Variants in ARID1B observed in about 807,000 individuals in gnomAD.
The protein encoded by ARID1B is AT-rich interactive domain-containing protein 1B.
In ARID1B, 30 loss-of-function variants were observed where a neutral mutation model predicts 212.3. The ratio of observed to expected loss-of-function variants is 0.14; its 90% confidence interval spans 0.11 to 0.19. The LOEUF (loss-of-function observed/expected upper bound fraction) is 0.19, where lower values mean the gene tolerates loss of function less well. ARID1B is among the 10% of genes least tolerant of loss of function. The pLI is 1.00. For synonymous variants in ARID1B, 1,402 were observed against 1,301.7 expected (o/e 1.08, Z -1.66); for missense variants, 2,891 against 3,204.0 (o/e 0.90, Z 2.36).
rs781541497 is a variant in ARID1B, at chr6:156,829,433, T to G, written c.1986+12T>G. ...ACCCTCAGCAGCAGGTTTGTGCTGGTCCCCCGACCCGCTGCTTTTTTGTAA... is the reference window on the plus strand; with the variant it reads ...ACCCTCAGCAGCAGGTTTGTGCTGGGCCCCCGACCCGCTGCTTTTTTGTAA... On this transcript the variant is annotated intron_variant, in intron 2 of 19. Transcript: ENST00000636930. 6.2e-7 allele frequency: 1 copy of G among 1,608,498 alleles called. No individual in the cohort carries two copies. The highest frequency in any genetic ancestry group is 1.1e-5 in the South Asian group (1 of 90,652).
At chr6:156,901,861 G>T in intron 3 of ARID1B, 2 of 297,818 alleles carry the variant, frequency 6.7e-6, no homozygotes, top group Non-Finnish European at 1.2e-5. Flanking sequence ...TTCAGGAGAA[G>T]GATTTTATCA....
intron 2 of ARID1B, among the ~76,000 whole-genome samples, chr6:156,836,944 A>G (rs749073465): frequency 3.3e-5 from 5 of 152,210 alleles, no homozygotes; most frequent in South Asian, 2.1e-4. Context: ...GATTACAGGC[A>G]TGAGCCACCA....
At chr6:157,034,808 G>T (rs1235809169) in intron 4 of ARID1B, among the ~76,000 whole-genome samples, 2 of 152,202 alleles carry the variant, frequency 1.3e-5, no homozygotes, top group South Asian at 2.1e-4. Context: ...AAATCTTACA[G>T]AAATAGAGGA....
chr6:157,103,697 A>G (rs1056860863), intron 5 of ARID1B, among the ~76,000 whole-genome samples: 3 of 152,154 alleles, frequency 2.0e-5, no homozygotes, highest in Non-Finnish European at 4.4e-5. Context: ...ATTGGATAAA[A>G]TTCTCCCAAA....
At chr6:156,904,510 C>G (rs1292561429) in intron 3 of ARID1B, among the ~76,000 whole-genome samples, 5 of 152,242 alleles carry the variant, frequency 3.3e-5, no homozygotes, top group African/African-American at 1.2e-4. Context: ...AGCCACAGTG[C>G]TGGGCAAAGG....
intron 3 of ARID1B, among the ~76,000 whole-genome samples, chr6:156,913,521 T>A (rs1790081443): frequency 6.6e-6 from 1 of 152,028 alleles, no homozygotes; most frequent in Admixed American, 6.6e-5. Flanking sequence ...CTGGCAACAT[T>A]TTTCAAGAAT....
At chr6:156,897,579 C>A (rs1375310832) in intron 2 of ARID1B, among the ~76,000 whole-genome samples, 2 of 151,710 alleles carry the variant, frequency 1.3e-5, no homozygotes, top group Non-Finnish European at 1.5e-5. Context: ...CAGCCAGATT[C>A]TTATTTTTAA....
intron 3 of ARID1B, among the ~76,000 whole-genome samples, chr6:156,905,441 G>T (rs1389206296): frequency 6.6e-6 from 1 of 152,150 alleles, no homozygotes; most frequent in East Asian, 1.9e-4. Context: ...TTTGATTATA[G>T]TTAGGACTTC....
intron 3 of ARID1B, among the ~76,000 whole-genome samples, chr6:156,933,640 C>T (rs1273054230): frequency 6.6e-6 from 1 of 152,238 alleles, no homozygotes; most frequent in East Asian, 1.9e-4. Flanking sequence ...CCTGTGCTTA[C>T]TCTCACCTTA....
At position 156,777,772 on chromosome 6, in the gene ARID1B, C is replaced by T. The variant is rs1402782346; in HGVS notation, c.92C>T (p.Pro31Leu). The part of the protein sequence containing the change: ...GSGERRAPPG[P>L]RPAPGARDLE... ...GGCGAACGGCGGGCGCCCCCCGGGC[C>T]GCGGCCGGCGCCCGGAGCCCGGGAC... Residue 31 changes from proline (P) to leucine (L), a missense_variant, in exon 1 of 20, where the codon CCG becomes CTG. Transcript: ENST00000636930. 1 of 814,550 alleles carries T rather than the reference C, an allele frequency of 1.2e-6. No individual in the cohort carries two copies. Among genetic ancestry groups the T allele is most frequent in the Non-Finnish European group, 1.5e-6 (1 of 678,310 alleles). 50.5% of individuals were successfully genotyped at this position (814,550 alleles called of 1,614,324 possible).
At chr6:156,800,680 G>A (rs1780716350) in intron 1 of ARID1B, among the ~76,000 whole-genome samples, 2 of 152,188 alleles carry the variant, frequency 1.3e-5, no homozygotes, top group Admixed American at 1.3e-4. Flanking sequence ...GCTGAGGCGG[G>A]AGCATCACTT....
chr6:157,198,607 C>T (rs1013682031), intron 16 of ARID1B: 2 of 538,252 alleles, frequency 3.7e-6, no homozygotes, highest in East Asian at 5.8e-5. Context: ...AGGAGCTTGG[C>T]ACCATTCCCA....
rs993715084 is a variant in ARID1B at position 156,816,741 on chromosome 6, G to A, written c.1792-12486G>A. Among the ~76,000 whole-genome samples the A allele has an allele frequency of 3.9e-5, 6 of 152,282 alleles. No homozygotes were observed. The East Asian group carries it at 5.8e-4, about 15-fold the overall frequency. On this transcript the variant is annotated intron_variant, in intron 1 of 19. Coordinates refer to ENST00000636930, the MANE Select transcript of ARID1B (RefSeq NM_001374828.1). ...TTGTGTGCTCAGGCATCGGCTTGGT[G>A]GTGCATAAGAGGGCTGTCCAGGTAC...
chr6:157,130,612 CT>C (rs2128577975), intron 6 of ARID1B, among the ~76,000 whole-genome samples: 1 of 152,258 alleles, frequency 6.6e-6, no homozygotes, highest in East Asian at 1.9e-4. Flanking sequence ...AATAGTTCAA[CT>C]TACTTTTATT....
chr6:157,167,123 G>C lies in ARID1B; in HGVS notation c.3173G>C (p.Ser1058Thr), dbSNP rs2128290741. ...PYSQPMNNSS[S>T]LMNTQAPPYS... The stretch of plus-strand genomic sequence containing the variant: ...AGCCAGCCCATGAACAACAGCTCTA[G>C]CCTGATGAACACGCAGGCGCCGCCC... The change falls in exon 9 of 20, where the codon AGC becomes ACC. Residue 1058 changes from serine to threonine, a missense_variant. This residue lies in a region of ARID1B where 1,643 missense variants were observed against 1,544.0 expected (regional missense o/e 1.06). Transcript: ENST00000636930. 6.2e-7 allele frequency: 1 copy of C among 1,612,246 alleles called. No homozygotes were observed. Among genetic ancestry groups the C allele is most frequent in the Non-Finnish European group, 8.5e-7 (1 of 1,180,022 alleles).
intron 4 of ARID1B, among the ~76,000 whole-genome samples, chr6:157,060,656 T>TTA (rs398003170): frequency 2.9e-5 from 4 of 136,710 alleles, no homozygotes; most frequent in East Asian, 4.2e-4. Flanking sequence ...TTTTTTTTTT[T>TTA]ACTATTCTTT....
chr6:157,152,540 AAAG>A (rs1362180656), intron 8 of ARID1B: 2 of 152,262 alleles, frequency 1.3e-5, no homozygotes, highest in Non-Finnish European at 2.9e-5. Context: ...CTAAAAAAAG[AAAG>A]AAGTTAAGTT....
chr6:157,068,322 A>G (rs148044659), intron 4 of ARID1B, among the ~76,000 whole-genome samples: 27 of 152,360 alleles, frequency 1.8e-4, no homozygotes, highest in Middle Eastern at 3.4e-3. Flanking sequence ...CACATTATGA[A>G]GACATTCTCT....
chr6:156,853,941 C>T (rs1184709679), intron 2 of ARID1B, among the ~76,000 whole-genome samples: 1 of 152,050 alleles, frequency 6.6e-6, no homozygotes, highest in African/African-American at 2.4e-5. Flanking sequence ...CTATGTTGCC[C>T]AGTCTGGTCT....
Sources: allele counts gnomAD v4.1 joint callset (sites outside exome capture counted in the v4.1 genomes callset), GRCh38; gene constraint gnomAD v4.1.1; regional missense constraint gnomAD v4.1.1; transcripts MANE v1.5; gene names NCBI Gene and HGNC (gene_info 2026-07-23, HGNC 2026-07-21).